AUTS2: variants seen among roughly 807,000 people sequenced by gnomAD.
AUTS2 encodes the protein activator of transcription and developmental regulator AUTS2.
AUTS2 carries 17 observed loss-of-function variants against 112.4 expected under a neutral mutation model. That is an observed-to-expected ratio of 0.15 (90% CI 0.10 to 0.23). AUTS2 has a LOEUF of 0.23. AUTS2 is among the 10% of genes least tolerant of loss of function. The pLI is 1.00. For synonymous variants in AUTS2, 751 were observed against 702.7 expected, an observed-to-expected ratio of 1.07 and a Z score of -1.09; for missense variants, 1,510 against 1,701.6, an observed-to-expected ratio of 0.89 and a Z score of 1.98.
At chr7:70,060,471 G>T (rs1220946213) in intron 2 of AUTS2, among the ~76,000 whole-genome samples, 1 of 152,176 alleles carries the variant, frequency 6.6e-6, no homozygotes, top group East Asian at 1.9e-4. Flanking sequence ...TGTGTTGTAA[G>T]CGAGAAAGAC....
intron 4 of AUTS2, among the ~76,000 whole-genome samples, chr7:70,387,600 C>T (rs1308364088): frequency 2.0e-5 from 3 of 152,186 alleles, no homozygotes; most frequent in African/African-American, 7.2e-5. Context: ...GAACTCAAAC[C>T]CTGACAGGCT....
At chr7:70,710,274 G>A (rs1194038482) in intron 6 of AUTS2, among the ~76,000 whole-genome samples, 6 of 152,072 alleles carry the variant, frequency 3.9e-5, no homozygotes, top group South Asian at 2.1e-4. Context: ...AAGTGCCCAA[G>A]AGCACCCCAG....
intron 2 of AUTS2, among the ~76,000 whole-genome samples, chr7:69,943,305 C>T (rs1796695229): frequency 6.6e-6 from 1 of 152,172 alleles, no homozygotes; most frequent in Non-Finnish European, 1.5e-5. Context: ...AGTATGTTTC[C>T]TATAAATATT....
At chr7:70,171,649 G>T (rs556333245) in intron 4 of AUTS2, among the ~76,000 whole-genome samples, 5 of 152,222 alleles carry the variant, frequency 3.3e-5, no homozygotes, top group Non-Finnish European at 7.3e-5. Context: ...ATTTGGAGGA[G>T]AATGAAATTG....
chr7:70,347,177 T>C (rs1791534473), intron 4 of AUTS2, among the ~76,000 whole-genome samples: 1 of 152,164 alleles, frequency 6.6e-6, no homozygotes, highest in Non-Finnish European at 1.5e-5. Context: ...ACTTCTTACT[T>C]ACCTGAAACT....
intron 2 of AUTS2, among the ~76,000 whole-genome samples, chr7:70,016,669 T>A: frequency 7.6e-6 from 1 of 130,954 alleles, no homozygotes; most frequent in East Asian, 2.1e-4. Context: ...CCTTGACAGA[T>A]TTTTTTTTTT....
At chr7:70,685,503 A>G (rs953260222) in intron 5 of AUTS2, among the ~76,000 whole-genome samples, 42 of 151,908 alleles carry the variant, frequency 2.8e-4, no homozygotes, top group African/African-American at 8.9e-4. Flanking sequence ...AGAAGAAGAA[A>G]AAAGAGAAAT....
chr7:70,541,100 C>T (rs962557968), intron 5 of AUTS2, among the ~76,000 whole-genome samples: 6 of 152,198 alleles, frequency 3.9e-5, no homozygotes, highest in Admixed American at 3.9e-4. Context: ...CTTATCCCTC[C>T]AGGCATTTGA....
At chr7:70,755,472 G>T (rs1311023873) in intron 6 of AUTS2, among the ~76,000 whole-genome samples, 1 of 152,048 alleles carries the variant, frequency 6.6e-6, no homozygotes, top group Non-Finnish European at 1.5e-5. Flanking sequence ...TTCGAGACCA[G>T]CCTGGCCAAC....
intron 2 of AUTS2, among the ~76,000 whole-genome samples, chr7:70,001,799 CT>C (rs1799210194): frequency 1.3e-5 from 2 of 151,476 alleles, no homozygotes; most frequent in Non-Finnish European, 2.9e-5. Flanking sequence ...CAACCTCTGC[CT>C]TCCAGGCTGA....
intron 5 of AUTS2, among the ~76,000 whole-genome samples, chr7:70,537,471 T>C (rs764360966): frequency 6.6e-6 from 1 of 152,254 alleles, no homozygotes; most frequent in Non-Finnish European, 1.5e-5. Context: ...AGTTGATTTA[T>C]GTTATATATG....
At chr7:70,224,353 A>G (rs1380560778) in intron 4 of AUTS2, among the ~76,000 whole-genome samples, 1 of 129,600 alleles carries the variant, frequency 7.7e-6, no homozygotes, top group African/African-American at 3.4e-5. Flanking sequence ...ACAATACAAT[A>G]CAATACAATA....
chr7:70,273,468 G>A (rs1458555308), intron 4 of AUTS2, among the ~76,000 whole-genome samples: 2 of 137,158 alleles, frequency 1.5e-5, no homozygotes, highest in East Asian at 4.3e-4. Flanking sequence ...ACTACCTATA[G>A]CTTTTATTAT....
chr7:70,134,707 T>G, intron 4 of AUTS2, 136 bp downstream of exon 4: 1 of 842,466 alleles, frequency 1.2e-6, no homozygotes, highest in Non-Finnish European at 2.0e-6. Context: ...TTTCCATTCT[T>G]TATTAGGAAT....
intron 2 of AUTS2, among the ~76,000 whole-genome samples, chr7:69,917,277 C>T (rs1302929714): frequency 6.8e-6 from 1 of 147,094 alleles, no homozygotes; most frequent in African/African-American, 2.6e-5. Flanking sequence ...TCAGAGCATT[C>T]CCTTTTTTTT....
chr7:70,357,356 A>G (rs974341106), intron 4 of AUTS2, among the ~76,000 whole-genome samples: 4 of 152,190 alleles, frequency 2.6e-5, no homozygotes, highest in African/African-American at 9.7e-5. Context: ...TTATTTGTTG[A>G]AAGTATGGCT....
chr7:70,079,742 C>T (rs1803210266), intron 2 of AUTS2, among the ~76,000 whole-genome samples: 1 of 152,080 alleles, frequency 6.6e-6, no homozygotes, highest in Admixed American at 6.6e-5. Flanking sequence ...GAAGTATTTA[C>T]ACCACAGAAA....
chr7:70,397,226 G>A (rs1161351350), intron 4 of AUTS2, among the ~76,000 whole-genome samples: 1 of 151,946 alleles, frequency 6.6e-6, no homozygotes, highest in Non-Finnish European at 1.5e-5. Context: ...ACCATGTCTG[G>A]CTAATTTTTT....
intron 1 of AUTS2, among the ~76,000 whole-genome samples, chr7:69,862,487 C>A (rs1432759197): frequency 6.6e-6 from 1 of 152,134 alleles, no homozygotes; most frequent in Non-Finnish European, 1.5e-5. Context: ...CAGTCAGACA[C>A]AAAGGTAAGT....
Sources: gnomAD v4.1 joint callset for allele counts (sites outside exome capture counted in the v4.1 genomes callset) on GRCh38, gnomAD v4.1.1 for gene constraint, MANE v1.5 for transcripts, NCBI Gene and HGNC (gene_info 2026-07-23, HGNC 2026-07-21) for gene names.